The following CNTNAP2 variants were observed in gnomAD, a reference collection of about 807,000 sequenced individuals.
CNTNAP2 encodes contactin-associated protein-like 2.
Under a neutral mutation model 155.2 loss-of-function variants are expected in CNTNAP2, and 98 were observed. That is an observed-to-expected ratio of 0.63 (90% confidence interval 0.54 to 0.75). CNTNAP2 has a LOEUF of 0.75. Among genes scored for constraint, CNTNAP2 ranks in the 30% least tolerant of loss-of-function variants. The probability of loss-of-function intolerance (pLI) is 0.00; values close to 1 mark genes in which losing one functional copy is unlikely to be tolerated. For missense variants in CNTNAP2, 1,727 were observed against 1,688.1 expected (o/e 1.02, Z -0.40); for synonymous variants, 651 against 631.2 (o/e 1.03, Z -0.47).
At chr7:146,630,450 G>T (rs548052481) in intron 1 of CNTNAP2, among the ~76,000 whole-genome samples, 2 of 151,930 alleles carry the variant, frequency 1.3e-5, no homozygotes, top group South Asian at 2.1e-4. Context: ...ACATGTGTGT[G>T]CATGTGTCTT....
chr7:146,827,596 G>T (rs928257310), intron 2 of CNTNAP2, among the ~76,000 whole-genome samples: 1 of 151,602 alleles, frequency 6.6e-6, no homozygotes, highest in Non-Finnish European at 1.5e-5. Context: ...GGGAAGCCAA[G>T]AAATTATGCC....
At chr7:148,267,221 C>T (rs1339080827) in intron 21 of CNTNAP2, 95 bp downstream of exon 21, 6 of 1,078,762 alleles carry the variant, frequency 5.6e-6, no homozygotes, top group Admixed American at 1.7e-5. Flanking sequence ...ATTTCTCTTA[C>T]TGGGGCCAGT....
intron 17 of CNTNAP2, among the ~76,000 whole-genome samples, chr7:148,167,386 G>T (rs561334833): frequency 1.3e-5 from 2 of 152,036 alleles, no homozygotes; most frequent in Non-Finnish European, 1.5e-5. Context: ...TGATCTGCCC[G>T]CCTTGGCCTC....
chr7:147,529,437 C>G (rs1161804601), intron 11 of CNTNAP2, among the ~76,000 whole-genome samples: 1 of 152,146 alleles, frequency 6.6e-6, no homozygotes, highest in Non-Finnish European at 1.5e-5. Context: ...ACAGTAGAAA[C>G]AAGGGCTTCA....
In CNTNAP2 at chr7:148,409,949, G is replaced by A. The variant is rs376846291; in HGVS notation, c.3796+478G>A. Among the ~76,000 whole-genome samples, 15 of 91,026 alleles carry A rather than the reference G, an allele frequency of 1.6e-4. 5 individuals carry two copies. Among genetic ancestry groups the A allele is most frequent in the African/African-American group, 2.5e-4 (5 of 20,096 alleles). 59.7% of individuals were successfully genotyped at this position (91,026 alleles called of 152,430 possible). On this transcript the variant is annotated intron_variant, in intron 23 of 23. Coordinates refer to ENST00000361727, the MANE Select transcript of CNTNAP2 (RefSeq NM_014141.6). ...GCCTGTAGTCCCAGCTACTCAGGAG[G>A]CTGAGGCAGGAGAATGGCGTGAACC...
At chr7:146,657,102 G>A (rs1003367347) in intron 1 of CNTNAP2, among the ~76,000 whole-genome samples, 21 of 152,204 alleles carry the variant, frequency 1.4e-4, no homozygotes, top group South Asian at 8.3e-4. Flanking sequence ...GTGAATACAT[G>A]TATACTTGCT....
At chr7:148,073,341 T>C (rs1803417219) in intron 15 of CNTNAP2, among the ~76,000 whole-genome samples, 1 of 152,168 alleles carries the variant, frequency 6.6e-6, no homozygotes, top group African/African-American at 2.4e-5. Context: ...GTGGTTTCAG[T>C]TACCAGAGAT....
chr7:147,347,431 T>C lies in CNTNAP2; in HGVS notation c.1498+47141T>C, dbSNP rs200085518. Among the ~76,000 whole-genome samples the C allele has an allele frequency of 1.1e-4, 6 of 52,344 alleles. No individual in the cohort carries two copies. In the East Asian group the frequency reaches 1.7e-3, roughly 14 times the overall value. 34.3% of individuals were successfully genotyped at this position (52,344 alleles called of 152,430 possible). On this transcript the variant is annotated intron_variant, in intron 9 of 23. Transcript: ENST00000361727. ...CTTATGTGAAAAGATTATATATATATATATATATGCATATATATATATATG... is the reference window on the plus strand; with the variant it reads ...CTTATGTGAAAAGATTATATATATACATATATATGCATATATATATATATG...
chr7:147,501,517 A>G (rs893875152), intron 11 of CNTNAP2, among the ~76,000 whole-genome samples: 2 of 152,176 alleles, frequency 1.3e-5, no homozygotes, highest in African/African-American at 4.8e-5. Context: ...AACTTTTTCA[A>G]TTTTATAGTG....
intron 9 of CNTNAP2, among the ~76,000 whole-genome samples, chr7:147,358,337 C>T (rs1584897072): frequency 6.6e-6 from 1 of 151,988 alleles, no homozygotes; most frequent in South Asian, 2.1e-4. Flanking sequence ...TAGATATGTA[C>T]TTTTTAATGA....
intron 11 of CNTNAP2, among the ~76,000 whole-genome samples, chr7:147,497,637 T>C (rs1237213708): frequency 6.6e-6 from 1 of 152,208 alleles, no homozygotes; most frequent in Non-Finnish European, 1.5e-5. Flanking sequence ...AAAGCCTGTG[T>C]GTGTTTTCTA....
At chr7:147,607,530 A>G (rs1295941462) in intron 12 of CNTNAP2, among the ~76,000 whole-genome samples, 1 of 152,188 alleles carries the variant, frequency 6.6e-6, no homozygotes, top group Non-Finnish European at 1.5e-5. Context: ...CAACCCCGTC[A>G]AGGGAAAGTC....
At chr7:147,708,780 A>T (rs1177762718) in intron 13 of CNTNAP2, among the ~76,000 whole-genome samples, 3 of 152,036 alleles carry the variant, frequency 2.0e-5, no homozygotes, top group Non-Finnish European at 2.9e-5. Flanking sequence ...GTGTCCTGTC[A>T]CTTATCTGTT....
Position 146,712,391 on chromosome 7 carries a change from A to G in CNTNAP2, c.98-61880A>G, listed in dbSNP as rs575447605. 1.0e-3 allele frequency among the ~76,000 whole-genome samples: 133 copies of G among 132,144 alleles called. 1 individual carries two copies. Among genetic ancestry groups the G allele is most frequent in the African/African-American group, 3.5e-3 (127 of 36,700 alleles). 86.7% of individuals were successfully genotyped at this position (132,144 alleles called of 152,430 possible). A position where few individuals can be genotyped will look rare whatever the true frequency, so the allele number is the denominator to read the frequency against. ...TATACATATCTTATGTATACTATAT[A>G]TATAAATAAAATAAAAAACAGGAAA... On this transcript the variant is annotated intron_variant, in intron 1 of 23. Transcript: ENST00000361727.
At chr7:147,639,932 CA>C (rs1385004084) in intron 13 of CNTNAP2, among the ~76,000 whole-genome samples, 1 of 152,130 alleles carries the variant, frequency 6.6e-6, no homozygotes, top group African/African-American at 2.4e-5. Flanking sequence ...TTTACTGCAA[CA>C]AGTTCCATAT....
At chr7:147,456,691 A>G (rs1183721139) in intron 10 of CNTNAP2, among the ~76,000 whole-genome samples, 1 of 152,122 alleles carries the variant, frequency 6.6e-6, no homozygotes. Context: ...AAAAAATACA[A>G]CTAGATACTT....
chr7:148,047,588 G>T (rs1181957610), intron 15 of CNTNAP2, among the ~76,000 whole-genome samples: 1 of 152,146 alleles, frequency 6.6e-6, no homozygotes, highest in Non-Finnish European at 1.5e-5. Context: ...CAGTAAATAG[G>T]CTGTGAAAAA....
intron 3 of CNTNAP2, among the ~76,000 whole-genome samples, chr7:146,947,437 C>A (rs1173805565): frequency 7.1e-6 from 1 of 141,796 alleles, no homozygotes; most frequent in African/African-American, 2.6e-5. Context: ...TATACATACA[C>A]ACACACACAC....
At chr7:146,544,752 G>T (rs1231614587) in intron 1 of CNTNAP2, among the ~76,000 whole-genome samples, 1 of 134,370 alleles carries the variant, frequency 7.4e-6, no homozygotes, top group African/African-American at 2.8e-5. Flanking sequence ...TCTTTTGCCT[G>T]CTGAGCCGGG....
Sources: gnomAD v4.1 joint callset for allele counts (sites outside exome capture counted in the v4.1 genomes callset) on GRCh38, gnomAD v4.1.1 for gene constraint, MANE v1.5 for transcripts, NCBI Gene and HGNC (gene_info 2026-07-23, HGNC 2026-07-21) for gene names.